ADGRL2: variants seen among roughly 807,000 people sequenced by gnomAD.
ADGRL2 encodes calcium-independent alpha-latrotoxin receptor 2.
Under a neutral mutation model 157.4 loss-of-function variants are expected in ADGRL2, and 44 were observed. The ratio of observed to expected loss-of-function variants is 0.28; its 90% confidence interval spans 0.22 to 0.36. The LOEUF (loss-of-function observed/expected upper bound fraction) is 0.36. Ranked by LOEUF, ADGRL2 falls within the 10% of genes least tolerant of loss-of-function variation. The pLI, the probability that ADGRL2 is intolerant of heterozygous loss-of-function variation, is 1.00. For missense variants in ADGRL2, 1,510 were observed against 1,768.9 expected, an observed-to-expected ratio of 0.85 and a Z score of 2.63; for synonymous variants, 585 against 624.7, an observed-to-expected ratio of 0.94 and a Z score of 0.95.
upstream of ADGRL2, among the ~76,000 whole-genome samples, chr1:81,798,225 T>C (rs2087691253): frequency 6.6e-6 from 1 of 152,086 alleles, no homozygotes; most frequent in Admixed American, 6.5e-5. Flanking sequence ...TAAATTATGT[T>C]TTTTGAATGT....
intron 13 of ADGRL2, among the ~76,000 whole-genome samples, chr1:81,966,926 A>G (rs1325611198): frequency 6.6e-6 from 1 of 152,188 alleles, no homozygotes; most frequent in Non-Finnish European, 1.5e-5. Context: ...CCCTTACCTT[A>G]CTTAGCAGCA....
chr1:81,934,021 A>G (rs758383264), intron 3 of ADGRL2, among the ~76,000 whole-genome samples: 39 of 152,026 alleles, frequency 2.6e-4, no homozygotes, highest in Non-Finnish European at 5.9e-5. Context: ...TATTTTTTAT[A>G]TTTTGGGAGG....
chr1:81,728,014 AG>A (rs1410565565), intron 1 of ADGRL2, among the ~76,000 whole-genome samples: 1 of 152,166 alleles, frequency 6.6e-6, no homozygotes, highest in Non-Finnish European at 1.5e-5. Flanking sequence ...TCAATGAGCA[AG>A]TGACTATTGG....
chr1:81,322,721 C>A (rs1034107941), intron 1 of ADGRL2, among the ~76,000 whole-genome samples: 15 of 151,908 alleles, frequency 9.9e-5, no homozygotes, highest in Non-Finnish European at 4.4e-5. Context: ...AATATGGGGC[C>A]AAGCTGAAGA....
chr1:81,387,638 T>C (rs1202421811), intron 1 of ADGRL2, among the ~76,000 whole-genome samples: 1 of 152,146 alleles, frequency 6.6e-6, no homozygotes, highest in East Asian at 1.9e-4. Flanking sequence ...TTAACTGCTA[T>C]ATATCCGAAG....
chr1:81,593,940 C>T (rs950749570), intron 3 of ADGRL2, among the ~76,000 whole-genome samples: 2 of 152,034 alleles, frequency 1.3e-5, no homozygotes, highest in Admixed American at 6.6e-5. Context: ...CAAGAAGCTT[C>T]GGAGACTTCA....
intron 3 of ADGRL2, among the ~76,000 whole-genome samples, chr1:81,603,172 C>G (rs1178747836): frequency 6.6e-6 from 1 of 151,920 alleles, no homozygotes; most frequent in Non-Finnish European, 1.5e-5. Context: ...TTTCTTTGGC[C>G]TAAAATATGT....
In ADGRL2 at chr1:81,578,844, G is replaced by A. The variant is rs566884012; in HGVS notation, c.-247-2032G>A. The stretch of plus-strand genomic sequence containing the variant: ...ATTGCACATTTATGTAGTTCCCCCC[G>A]AAGCACAAGCATAATTTGGTTTTTT... On this transcript the variant is annotated intron_variant, in intron 2 of 24. Transcript: ENST00000370721. Among the ~76,000 whole-genome samples the A allele has an allele frequency of 8.5e-5, 13 of 152,154 alleles. No individual in the cohort carries two copies. The South Asian group carries it at 1.2e-3, about 15-fold the overall frequency.
At chr1:81,692,629 C>T (rs1458117277) in intron 3 of ADGRL2, among the ~76,000 whole-genome samples, 1 of 152,158 alleles carries the variant, frequency 6.6e-6, no homozygotes, top group South Asian at 2.1e-4. Flanking sequence ...TATAGCACAT[C>T]GTAATTCTCT....
chr1:81,598,971 T>C (rs2148623591), intron 3 of ADGRL2, among the ~76,000 whole-genome samples: 1 of 152,334 alleles, frequency 6.6e-6, no homozygotes, highest in East Asian at 1.9e-4. Context: ...GCCTCCCCTC[T>C]TGGGAGGGTG....
intron 3 of ADGRL2, among the ~76,000 whole-genome samples, chr1:81,606,780 G>GCA (rs1553129627): frequency 6.6e-6 from 1 of 151,380 alleles, no homozygotes; most frequent in Non-Finnish European, 1.5e-5. Flanking sequence ...GTGTGCGCAC[G>GCA]CGTGTGTGTG....
At chr1:81,629,665 ATATGTGTGTGTGTGTGTG>A (rs1557519506) in intron 3 of ADGRL2, among the ~76,000 whole-genome samples, 1 of 90,418 alleles carries the variant, frequency 1.1e-5, no homozygotes, top group African/African-American at 4.3e-5. Context: ...GAATGAATGT[ATATGTGTGTGTGTGTGTG>A]TGTGTGTGTG....
At chr1:81,627,125 G>T (rs2148735696) in intron 3 of ADGRL2, among the ~76,000 whole-genome samples, 1 of 151,908 alleles carries the variant, frequency 6.6e-6, no homozygotes, top group South Asian at 2.1e-4. Flanking sequence ...TGTTATTCTA[G>T]AAATGGATAA....
intron 1 of ADGRL2, among the ~76,000 whole-genome samples, chr1:81,367,056 G>A (rs1228392307): frequency 6.6e-6 from 1 of 152,162 alleles, no homozygotes; most frequent in African/African-American, 2.4e-5. Flanking sequence ...TTACAGAACA[G>A]TTCCACCTGG....
At chr1:81,363,554 A>C (rs2076013923) in intron 1 of ADGRL2, among the ~76,000 whole-genome samples, 1 of 152,128 alleles carries the variant, frequency 6.6e-6, no homozygotes, top group South Asian at 2.1e-4. Context: ...CCTAGGTCTA[A>C]AAAATTGATT....
chr1:81,435,576 T>C (rs1394352768), intron 1 of ADGRL2, among the ~76,000 whole-genome samples: 1 of 152,240 alleles, frequency 6.6e-6, no homozygotes, highest in African/African-American at 2.4e-5. Context: ...CTAATAAATA[T>C]AACAATCCAT....
At chr1:81,938,732 A>G (rs2095345691) in intron 4 of ADGRL2, among the ~76,000 whole-genome samples, 1 of 151,612 alleles carries the variant, frequency 6.6e-6, no homozygotes, top group African/African-American at 2.4e-5. Context: ...GTGACACTCT[A>G]TAAATTGCAC....
chr1:81,611,230 A>G (rs2224889), intron 3 of ADGRL2, among the ~76,000 whole-genome samples: 112,519 of 152,092 alleles, frequency 0.74, 41,828 homozygotes, highest in African/African-American at 0.79. Flanking sequence ...AGGCCACATG[A>G]CAATTATTGA....
intron 2 of ADGRL2, among the ~76,000 whole-genome samples, chr1:81,542,768 C>T (rs1434202660): frequency 6.6e-6 from 1 of 152,030 alleles, no homozygotes; most frequent in Admixed American, 6.5e-5. Context: ...TACTTCAGAG[C>T]TCAATAGGAA....
Sources: allele counts gnomAD v4.1 joint callset (sites outside exome capture counted in the v4.1 genomes callset), GRCh38; gene constraint gnomAD v4.1.1; transcripts MANE v1.5; gene names NCBI Gene and HGNC (gene_info 2026-07-23, HGNC 2026-07-21).